Variants in RBKS observed in about 807,000 individuals in gnomAD.
RBKS encodes the protein ribokinase.
RBKS carries 33 observed loss-of-function variants against 33.9 expected under a neutral mutation model. The observed-to-expected ratio is 0.97, with a 90% confidence interval of 0.74 to 1.30. The LOEUF (loss-of-function observed/expected upper bound fraction) is 1.30, where lower values mean the gene tolerates loss of function less well. Among genes scored for constraint, RBKS ranks in the 50% most tolerant of loss-of-function variants. The pLI is 0.00. For synonymous variants in RBKS, 125 were observed against 143.0 expected (o/e 0.87, Z 0.90); for missense variants, 361 against 392.6 (o/e 0.92, Z 0.68).
intron 1 of RBKS, among the ~76,000 whole-genome samples, chr2:27,864,927 T>G (rs1664060460): frequency 6.6e-6 from 1 of 151,902 alleles, no homozygotes; most frequent in South Asian, 2.1e-4. Flanking sequence ...AAGGGGAGGG[T>G]CTCTAGGTTT....
chr2:27,832,907 A>G, intron 5 of RBKS, 130 bp from the exon 6 acceptor site: 1 of 649,320 alleles, frequency 1.5e-6, no homozygotes, highest in South Asian at 1.7e-5. Flanking sequence ...CCACTTAGTT[A>G]CGGATGTAGA....
chr2:27,861,423 C>T, intron 1 of RBKS: 1 of 464,484 alleles, frequency 2.2e-6, no homozygotes, highest in Non-Finnish European at 4.5e-6. Flanking sequence ...CAGATCTTGC[C>T]CACTGCACTC....
At chr2:27,806,971 A>G (rs556410140) in intron 7 of RBKS, among the ~76,000 whole-genome samples, 1 of 152,340 alleles carries the variant, frequency 6.6e-6, no homozygotes, top group South Asian at 2.1e-4. Flanking sequence ...ATTTCTGGAA[A>G]GAGTGAATTG....
intron 7 of RBKS, among the ~76,000 whole-genome samples, chr2:27,814,523 C>T (rs1044332855): frequency 4.6e-5 from 7 of 152,098 alleles, no homozygotes; most frequent in Non-Finnish European, 1.0e-4. Flanking sequence ...GTATTTAATG[C>T]AAATTATAGT....
intron 7 of RBKS, among the ~76,000 whole-genome samples, chr2:27,793,200 A>G (rs1677571082): frequency 6.6e-6 from 1 of 152,228 alleles, no homozygotes; most frequent in African/African-American, 2.4e-5. Context: ...CCAGCTAGTA[A>G]AAACCTTTAA....
intron 7 of RBKS, among the ~76,000 whole-genome samples, chr2:27,822,347 G>A (rs912810918): frequency 2.0e-5 from 3 of 152,194 alleles, no homozygotes; most frequent in East Asian, 3.9e-4. Flanking sequence ...GGAGAATGTA[G>A]GGTGGAGGAA....
intron 5 of RBKS, among the ~76,000 whole-genome samples, chr2:27,841,631 C>A (rs926042135): frequency 6.6e-6 from 1 of 151,684 alleles, no homozygotes; most frequent in Non-Finnish European, 1.5e-5. Flanking sequence ...TAAATCAGGA[C>A]GAACATTTTA....
chr2:27,824,566 A>C (rs1012583742), intron 7 of RBKS, among the ~76,000 whole-genome samples: 1 of 152,196 alleles, frequency 6.6e-6, no homozygotes, highest in African/African-American at 2.4e-5. Context: ...TATTCTTTTT[A>C]ATGGCTGAAT....
intron 6 of RBKS, among the ~76,000 whole-genome samples, chr2:27,830,908 C>T (rs746895568): frequency 2.6e-5 from 4 of 152,286 alleles, no homozygotes; most frequent in East Asian, 3.9e-4. Context: ...CTCCTTCTCA[C>T]GGGAAGCTGG....
At chr2:27,830,529 G>A (rs1678398838) in intron 6 of RBKS, among the ~76,000 whole-genome samples, 1 of 152,172 alleles carries the variant, frequency 6.6e-6, no homozygotes, top group Admixed American at 6.5e-5. Flanking sequence ...CTCCCAAAGT[G>A]CTGGGATTAC....
At chr2:27,844,919 G>T (rs914767820) in intron 4 of RBKS, among the ~76,000 whole-genome samples, 1 of 152,132 alleles carries the variant, frequency 6.6e-6, no homozygotes, top group Non-Finnish European at 1.5e-5. Flanking sequence ...TGCTCGTGCT[G>T]ATCTTGTACA....
intron 7 of RBKS, among the ~76,000 whole-genome samples, chr2:27,819,120 G>A (rs1678150395): frequency 6.6e-6 from 1 of 152,116 alleles, no homozygotes; most frequent in Admixed American, 6.5e-5. Flanking sequence ...AAAATACCAT[G>A]GACTGAATAG....
intron 1 of RBKS, among the ~76,000 whole-genome samples, chr2:27,874,272 C>T (rs1037114068): frequency 6.6e-6 from 1 of 152,194 alleles, no homozygotes; most frequent in African/African-American, 2.4e-5. Context: ...TTTTATGATA[C>T]TCAGTCCATT....
At chr2:27,801,493 A>ACACACC (rs1292307457) in intron 7 of RBKS, among the ~76,000 whole-genome samples, 1 of 150,914 alleles carries the variant, frequency 6.6e-6, no homozygotes, top group East Asian at 1.9e-4. Flanking sequence ...ACACACACAC[A>ACACACC]CACACACACA....
At chr2:27,820,409 C>G (rs1678177925) in intron 7 of RBKS, among the ~76,000 whole-genome samples, 1 of 152,126 alleles carries the variant, frequency 6.6e-6, no homozygotes, top group Non-Finnish European at 1.5e-5. Flanking sequence ...TTCATATTTG[C>G]CCTTCTCCTA....
intron 7 of RBKS, among the ~76,000 whole-genome samples, chr2:27,794,685 A>C (rs2148185472): frequency 6.8e-6 from 1 of 147,958 alleles, no homozygotes; most frequent in East Asian, 2.0e-4. Context: ...GTGCAATAGC[A>C]CGATCTCGGC....
intron 2 of RBKS, among the ~76,000 whole-genome samples, chr2:27,855,692 C>T (rs1663845713): frequency 6.6e-6 from 1 of 152,190 alleles, no homozygotes. Context: ...TACTGACTAA[C>T]TCTTAAGTAC....
At chr2:27,886,893 GAAT>G (rs1573084312) in intron 1 of RBKS, among the ~76,000 whole-genome samples, 1 of 152,086 alleles carries the variant, frequency 6.6e-6, no homozygotes, top group East Asian at 1.9e-4. Flanking sequence ...TGTGAGGATA[GAAT>G]GATAGGCTTC....
intron 1 of RBKS, among the ~76,000 whole-genome samples, chr2:27,889,648 CTG>C (rs2148239627): frequency 6.6e-6 from 1 of 152,300 alleles, no homozygotes; most frequent in Admixed American, 6.5e-5. Context: ...GTTGTAAATA[CTG>C]TGTTTATGTT....
Sources: allele counts gnomAD v4.1 joint callset (sites outside exome capture counted in the v4.1 genomes callset), GRCh38; gene constraint gnomAD v4.1.1; transcripts MANE v1.5; gene names NCBI Gene and HGNC (gene_info 2026-07-23, HGNC 2026-07-21).